The following BLTP3B variants were observed in gnomAD, a reference collection of about 807,000 sequenced individuals.
BLTP3B encodes bridge-like lipid transfer protein family member 3B.
At chr12:100,043,995 TTAAAGA>T in the BLTP3B span, among the ~76,000 whole-genome samples, 8 of 152,196 alleles carry the variant, frequency 5.3e-5, no homozygotes, top group Non-Finnish European at 1.2e-4. Context: ...TGACTTTTTT[TTAAAGA>T]ACTATATATA....
the BLTP3B span, chr12:100,050,261 C>T: frequency 6.2e-7 from 1 of 1,611,274 alleles, no homozygotes; most frequent in African/African-American, 1.3e-5. Flanking sequence ...TCTGTATCTT[C>T]CCCTCGGATG....
the BLTP3B span, among the ~76,000 whole-genome samples, chr12:100,053,969 C>G: frequency 4.4e-3 from 668 of 152,150 alleles, 5 homozygotes; most frequent in African/African-American, 0.015. Flanking sequence ...AGTCACTGTT[C>G]AAAAGAACCA....
chr12:100,113,935 G>A, the BLTP3B span, among the ~76,000 whole-genome samples: 1 of 152,154 alleles, frequency 6.6e-6, no homozygotes, highest in African/African-American at 2.4e-5. Context: ...TTGATCTGCA[G>A]GTATTAGATG....
chr12:100,072,031 T>C, the BLTP3B span, among the ~76,000 whole-genome samples: 2 of 152,116 alleles, frequency 1.3e-5, no homozygotes, highest in Non-Finnish European at 2.9e-5. Context: ...GAGTCCAAGG[T>C]GGGCAGATCA....
the BLTP3B span, among the ~76,000 whole-genome samples, chr12:100,113,944 T>C: frequency 3.3e-5 from 5 of 152,216 alleles, no homozygotes; most frequent in African/African-American, 1.2e-4. Context: ...AGGTATTAGA[T>C]GGGCTTCAAG....
At chr12:100,040,131 A>T in the BLTP3B span, among the ~76,000 whole-genome samples, 1 of 152,216 alleles carries the variant, frequency 6.6e-6, no homozygotes, top group Non-Finnish European at 1.5e-5. Context: ...AGACTGACCA[A>T]GAAAAAGAAA....
At chr12:100,045,550 T>C in the BLTP3B span, among the ~76,000 whole-genome samples, 3 of 152,212 alleles carry the variant, frequency 2.0e-5, no homozygotes, top group Admixed American at 2.0e-4. Context: ...ACTGGATCCC[T>C]TCCTTACCCC....
chr12:100,056,046 A>C, the BLTP3B span, among the ~76,000 whole-genome samples: 1 of 151,412 alleles, frequency 6.6e-6, no homozygotes, highest in Non-Finnish European at 1.5e-5. Flanking sequence ...CTATTATTAC[A>C]GAGTTGTCAC....
At chr12:100,095,220 C>CAA in the BLTP3B span, among the ~76,000 whole-genome samples, 1 of 152,110 alleles carries the variant, frequency 6.6e-6, no homozygotes, top group South Asian at 2.1e-4. Context: ...TTATGCTTGT[C>CAA]CCTGTTCTTG....
chr12:100,129,941 A>T, the BLTP3B span, among the ~76,000 whole-genome samples: 1 of 152,172 alleles, frequency 6.6e-6, no homozygotes, highest in Non-Finnish European at 1.5e-5. Flanking sequence ...ATTACTCTCA[A>T]GCTGTCATTT....
chr12:100,104,204 CTTTTTTTTTTTTT>C, the BLTP3B span, among the ~76,000 whole-genome samples: 1 of 131,664 alleles, frequency 7.6e-6, no homozygotes, highest in Non-Finnish European at 1.6e-5. Context: ...TTCTTTTTTT[CTTTTTTTTTTTTT>C]TTTTTGAGAC....
chr12:100,090,004 A>G, the BLTP3B span, among the ~76,000 whole-genome samples: 1 of 152,154 alleles, frequency 6.6e-6, no homozygotes, highest in East Asian at 1.9e-4. Context: ...GCTGCCATCC[A>G]TGTAAAATGG....
the BLTP3B span, chr12:100,072,613 TAAC>T: frequency 2.4e-5 from 32 of 1,357,674 alleles, no homozygotes; most frequent in African/African-American, 4.6e-5. Flanking sequence ...TCAAAAATAT[TAAC>T]AAGAAAAAAA....
chr12:100,057,950 T>A, the BLTP3B span: 3 of 1,479,386 alleles, frequency 2.0e-6, no homozygotes, highest in Admixed American at 4.9e-5. Context: ...CTTTTCTGCC[T>A]CAAAACAAAA....
chr12:100,099,583 T>C, the BLTP3B span, among the ~76,000 whole-genome samples: 1 of 150,148 alleles, frequency 6.7e-6, no homozygotes, highest in Non-Finnish European at 1.5e-5. Flanking sequence ...CTCGTATCCG[T>C]AGAAAATTTA....
chr12:100,083,508 A>T, the BLTP3B span, among the ~76,000 whole-genome samples: 4 of 152,200 alleles, frequency 2.6e-5, no homozygotes, highest in Admixed American at 6.5e-5. Flanking sequence ...AAATTCTAGC[A>T]TTTATAGGGT....
chr12:100,066,942 CA>C, the BLTP3B span, among the ~76,000 whole-genome samples: 1 of 151,772 alleles, frequency 6.6e-6, no homozygotes, highest in African/African-American at 2.4e-5. Context: ...TGATAGGCCA[CA>C]AAAAAAGCCT....
At chr12:100,102,440 A>G in the BLTP3B span, among the ~76,000 whole-genome samples, 1 of 152,096 alleles carries the variant, frequency 6.6e-6, no homozygotes, top group South Asian at 2.1e-4. Flanking sequence ...GAGTCATAAA[A>G]GTTCCACTGA....
chr12:100,132,651 T>C, the BLTP3B span, among the ~76,000 whole-genome samples: 2 of 152,150 alleles, frequency 1.3e-5, no homozygotes, highest in Non-Finnish European at 2.9e-5. Context: ...TCTTTATAAA[T>C]AAACCTATTT....
Sources: allele counts gnomAD v4.1 joint callset (sites outside exome capture counted in the v4.1 genomes callset), GRCh38; gene constraint gnomAD v4.1.1; transcripts MANE v1.5; gene names NCBI Gene and HGNC (gene_info 2026-07-23, HGNC 2026-07-21).